The following EFCAB5 variants were observed in gnomAD, a reference collection of about 807,000 sequenced individuals.
The protein encoded by EFCAB5 is EF-hand calcium binding domain 5.
In EFCAB5, 131 loss-of-function variants were observed where a neutral mutation model predicts 167.9. That is an observed-to-expected ratio of 0.78 (90% CI 0.68 to 0.90). The LOEUF is 0.90. Among genes scored for constraint, EFCAB5 ranks in the 40% least tolerant of loss-of-function variants. The pLI, the probability that EFCAB5 is intolerant of heterozygous loss-of-function variation, is 0.00. For missense variants in EFCAB5, 1,663 were observed against 1,745.2 expected (o/e 0.95, Z 0.84); for synonymous variants, 574 against 602.8 (o/e 0.95, Z 0.70).
intron 3 of EFCAB5, among the ~76,000 whole-genome samples, chr17:29,958,291 T>TTGAGTCTA (rs2067656804): frequency 6.6e-6 from 1 of 152,210 alleles, no homozygotes; most frequent in Non-Finnish European, 1.5e-5. Context: ...CTTGGTCCTT[T>TTGAGTCTA]TGAGTCTATT....
intron 10 of EFCAB5, 76 bp downstream of exon 10, chr17:30,054,224 CATT>C: frequency 1.4e-6 from 2 of 1,450,518 alleles, no homozygotes; most frequent in Non-Finnish European, 1.8e-6. Flanking sequence ...AGAAAACACT[CATT>C]TAAGTTAGAA....
intron 14 of EFCAB5, among the ~76,000 whole-genome samples, chr17:30,064,402 G>A (rs2070506028): frequency 6.6e-6 from 1 of 152,028 alleles, no homozygotes; most frequent in South Asian, 2.1e-4. Context: ...TTCACCAGCA[G>A]ACTTATTAAT....
intron 3 of EFCAB5, among the ~76,000 whole-genome samples, chr17:29,962,803 C>T (rs1416291322): frequency 1.3e-5 from 2 of 151,858 alleles, no homozygotes; most frequent in African/African-American, 2.4e-5. Flanking sequence ...GTTTGTTCTT[C>T]TTGTCTTATA....
intron 7 of EFCAB5, among the ~76,000 whole-genome samples, chr17:30,026,252 C>G (rs1243708074): frequency 6.6e-6 from 1 of 151,948 alleles, no homozygotes; most frequent in Non-Finnish European, 1.5e-5. Context: ...AGAGACAAAA[C>G]TTAACAATTT....
intron 7 of EFCAB5, among the ~76,000 whole-genome samples, chr17:30,026,582 G>A (rs1412822514): frequency 6.6e-6 from 1 of 152,110 alleles, no homozygotes; most frequent in African/African-American, 2.4e-5. Context: ...TTTTAGGTAG[G>A]AGAGTTCTCT....
intron 22 of EFCAB5, among the ~76,000 whole-genome samples, chr17:30,107,247 A>G (rs1319672517): frequency 2.0e-5 from 3 of 152,216 alleles, no homozygotes; most frequent in Non-Finnish European, 4.4e-5. Context: ...ATAATTTTTA[A>G]TTAGGAAATA....
intron 4 of EFCAB5, among the ~76,000 whole-genome samples, chr17:29,984,762 T>G (rs182950604): frequency 6.6e-6 from 1 of 152,250 alleles, no homozygotes; most frequent in Non-Finnish European, 1.5e-5. Context: ...TTATTAATCT[T>G]CCAGCAGTTC....
At chr17:29,931,777 T>G (rs2067199185) in intron 1 of EFCAB5, among the ~76,000 whole-genome samples, 1 of 152,228 alleles carries the variant, frequency 6.6e-6, no homozygotes, top group South Asian at 2.1e-4. Flanking sequence ...ATATGTGCTT[T>G]ATGAACCAAA....
intron 14 of EFCAB5, chr17:30,073,815 A>G: frequency 4.3e-6 from 2 of 463,968 alleles, no homozygotes; most frequent in Non-Finnish European, 8.1e-6. Context: ...AATCCCAGCT[A>G]CTCAAGAGGC....
chr17:30,027,020 T>TCTGTCGC, intron 7 of EFCAB5, among the ~76,000 whole-genome samples: 1 of 118,920 alleles, frequency 8.4e-6, no homozygotes, highest in Middle Eastern at 5.6e-3. Flanking sequence ...GGAGTCTCGC[T>TCTGTCGC]CTGTCGCCCA....
intron 4 of EFCAB5, among the ~76,000 whole-genome samples, chr17:29,970,669 T>TAC (rs1220247152): frequency 0.066 from 3,880 of 58,698 alleles, 107 homozygotes; most frequent in African/African-American, 0.11. Flanking sequence ...CACACACACA[T>TAC]ACACACACAC....
At chr17:29,995,015 G>A (rs562466970) in intron 5 of EFCAB5, among the ~76,000 whole-genome samples, 2 of 152,238 alleles carry the variant, frequency 1.3e-5, no homozygotes, top group Admixed American at 1.3e-4. Flanking sequence ...GTACTGTAAG[G>A]TGGATGCCTG....
At chr17:30,063,732 A>T (rs1465749156) in intron 14 of EFCAB5, among the ~76,000 whole-genome samples, 1 of 152,198 alleles carries the variant, frequency 6.6e-6, no homozygotes, top group Non-Finnish European at 1.5e-5. Context: ...AGGCCATGTC[A>T]GACCTGACAC....
chr17:29,997,142 G>C (rs1165740460), intron 6 of EFCAB5, among the ~76,000 whole-genome samples: 1 of 151,940 alleles, frequency 6.6e-6, no homozygotes, highest in Non-Finnish European at 1.5e-5. Context: ...TTACTTGGGA[G>C]GCTGAGGCAG....
intron 21 of EFCAB5, 85 bp downstream of exon 21, chr17:30,092,242 TAAGGGTACAAATGC>T (rs1262899789): frequency 3.6e-6 from 5 of 1,389,358 alleles, no homozygotes; most frequent in African/African-American, 1.4e-5. Flanking sequence ...GCATAAATCA[TAAGGGTACAAATGC>T]AAGAATTTTT....
At chr17:30,062,337 C>T (rs2070447496) in intron 14 of EFCAB5, among the ~76,000 whole-genome samples, 1 of 152,162 alleles carries the variant, frequency 6.6e-6, no homozygotes, top group Admixed American at 6.5e-5. Context: ...GAAGGCGATG[C>T]CAGGTCTCCA....
At chr17:30,049,685 AGAT>A (rs1306938907) in intron 8 of EFCAB5, among the ~76,000 whole-genome samples, 1 of 152,252 alleles carries the variant, frequency 6.6e-6, no homozygotes, top group Non-Finnish European at 1.5e-5. Flanking sequence ...TTTATCTATC[AGAT>A]TACAAAAAAT....
intron 1 of EFCAB5, among the ~76,000 whole-genome samples, chr17:29,936,186 C>T (rs1251906331): frequency 6.6e-6 from 1 of 152,110 alleles, no homozygotes; most frequent in Non-Finnish European, 1.5e-5. Context: ...AACCATCATT[C>T]TGAGCAAACG....
chr17:29,993,035 G>A, intron 4 of EFCAB5, 130 bp from the exon 5 acceptor site: 2 of 924,228 alleles, frequency 2.2e-6, no homozygotes, highest in Non-Finnish European at 3.1e-6. Flanking sequence ...CTCACTACAG[G>A]CCTGAATCAA....
Sources: allele counts gnomAD v4.1 joint callset (sites outside exome capture counted in the v4.1 genomes callset), GRCh38; gene constraint gnomAD v4.1.1; transcripts MANE v1.5; gene names NCBI Gene and HGNC (gene_info 2026-07-23, HGNC 2026-07-21).